The following PPP1R16B variants were observed in gnomAD, a reference collection of about 807,000 sequenced individuals.
The protein encoded by PPP1R16B is protein phosphatase 1 regulatory subunit 16B.
PPP1R16B carries 14 observed loss-of-function variants against 61.7 expected under a neutral mutation model. The observed-to-expected ratio is 0.23, with a 90% CI of 0.15 to 0.35. The LOEUF (loss-of-function observed/expected upper bound fraction) is 0.35. PPP1R16B is among the 10% of genes least tolerant of loss of function. PPP1R16B has a pLI of 1.00. For missense variants in PPP1R16B, 547 were observed against 752.5 expected, an observed-to-expected ratio of 0.73 and a Z score of 3.19; for synonymous variants, 266 against 305.3, an observed-to-expected ratio of 0.87 and a Z score of 1.34.
intron 2 of PPP1R16B, among the ~76,000 whole-genome samples, chr20:38,842,930 A>G (rs2084917710): frequency 6.6e-6 from 1 of 152,252 alleles, no homozygotes; most frequent in South Asian, 2.1e-4. Context: ...CCCCCTGAAC[A>G]GCAACAACCA....
intron 10 of PPP1R16B, among the ~76,000 whole-genome samples, chr20:38,910,010 C>T (rs929495374): frequency 1.3e-5 from 2 of 152,064 alleles, no homozygotes; most frequent in African/African-American, 2.4e-5. Context: ...TATGGAGCCT[C>T]GCTCTGTTAC....
rs1048256762 is a variant in PPP1R16B at position 38,889,706 on chromosome 20, T to C, written c.321+41T>C. The C allele has an allele frequency of 2.6e-6, 4 of 1,514,612 alleles. No individual in the cohort carries two copies. The African/African-American group carries it at 4.1e-5, about 16-fold the overall frequency. The allele number at this position is 1,514,612 out of a possible 1,614,324, so 93.8% of individuals were successfully genotyped here. ...TTGGGGCTCCAGGGCTCCCTGCCCC[T>C]CACCTGGACAGGTACCCTGTTTCTC... On this transcript the variant is annotated intron_variant, in intron 3 of 10. Coordinates refer to ENST00000299824, the MANE Select transcript of PPP1R16B (RefSeq NM_015568.4).
At chr20:38,911,448 G>A (rs1416044881) in intron 10 of PPP1R16B, among the ~76,000 whole-genome samples, 1 of 151,842 alleles carries the variant, frequency 6.6e-6, no homozygotes, top group African/African-American at 2.4e-5. Context: ...TTACAGGCGT[G>A]AGCCACCACG....
intron 4 of PPP1R16B, among the ~76,000 whole-genome samples, chr20:38,899,000 G>C (rs939305537): frequency 1.3e-5 from 2 of 152,196 alleles, no homozygotes; most frequent in Non-Finnish European, 2.9e-5. Context: ...AAGTACCAGA[G>C]CTGAGACAGA....
chr20:38,889,634 G>A lies in PPP1R16B; in HGVS notation c.290G>A (p.Cys97Tyr). 6.2e-7 allele frequency: 1 copy of A among 1,600,988 alleles called. No individual in the cohort carries two copies. The highest frequency in any genetic ancestry group is 8.6e-7 in the Non-Finnish European group (1 of 1,167,940). The change falls in exon 3 of 11, where the codon TGC (cysteine) becomes TAC (tyrosine). Residue 97 changes from cysteine to tyrosine, a missense_variant. Physicochemically the swap from Cys to Tyr is radical, Grantham distance 194 (BLOSUM62 -2). Transcript: ENST00000299824. Reference sequence around the variant, plus strand: ...AAGAATAAGGTCAGCCCTGATTTGTGCAATGAGGACGGACTCACAGCCCTA... The same window carrying A: ...AAGAATAAGGTCAGCCCTGATTTGTACAATGAGGACGGACTCACAGCCCTA... ...FLKNKVSPDL[C>Y]NEDGLTALHQ...
intron 10 of PPP1R16B, among the ~76,000 whole-genome samples, chr20:38,912,473 A>G (rs2085499510): frequency 6.7e-6 from 1 of 148,868 alleles, no homozygotes; most frequent in Non-Finnish European, 1.5e-5. Flanking sequence ...TTACTGGACA[A>G]CATGGCAAGA....
intron 10 of PPP1R16B, among the ~76,000 whole-genome samples, chr20:38,908,830 C>T (rs1463615215): frequency 2.0e-5 from 3 of 152,176 alleles, no homozygotes; most frequent in Admixed American, 2.0e-4. Flanking sequence ...CCAGGTAACA[C>T]CAGCATTGGT....
At chr20:38,894,109 C>T (rs2085313927) in intron 3 of PPP1R16B, among the ~76,000 whole-genome samples, 1 of 151,754 alleles carries the variant, frequency 6.6e-6, no homozygotes, top group African/African-American at 2.4e-5. Context: ...GCCACCGTCC[C>T]CCCCGCACCC....
chr20:38,875,130 A>T (rs2085156943), intron 2 of PPP1R16B, among the ~76,000 whole-genome samples: 1 of 152,132 alleles, frequency 6.6e-6, no homozygotes, highest in East Asian at 1.9e-4. Flanking sequence ...TCAGCAAATG[A>T]TCCATCCTGC....
chr20:38,917,557 T>G (rs2145789021), intron 10 of PPP1R16B, among the ~76,000 whole-genome samples: 1 of 152,308 alleles, frequency 6.6e-6, no homozygotes, highest in African/African-American at 2.4e-5. Flanking sequence ...GTAAGAATCT[T>G]TGTGAGATAT....
intron 2 of PPP1R16B, among the ~76,000 whole-genome samples, chr20:38,847,048 G>C (rs2084939999): frequency 6.6e-6 from 1 of 152,088 alleles, no homozygotes. Flanking sequence ...TTTGGCCATA[G>C]CTTTGATTAT....
chr20:38,912,061 C>T (rs1281275589), intron 10 of PPP1R16B, among the ~76,000 whole-genome samples: 1 of 150,442 alleles, frequency 6.6e-6, no homozygotes, highest in Non-Finnish European at 1.5e-5. Context: ...TTTCCCATGG[C>T]AGAGTGTTTC....
chr20:38,899,066 G>A (rs1334207235), intron 4 of PPP1R16B, among the ~76,000 whole-genome samples: 5 of 152,300 alleles, frequency 3.3e-5, no homozygotes, highest in African/African-American at 9.6e-5. Flanking sequence ...GTGGCCCAGG[G>A]CAGGTAACCT....
chr20:38,918,751 A>C lies in PPP1R16B; in HGVS notation c.*85A>C, dbSNP rs1032494416. ...CAACAGCCCTGGCTGGGGAGGTGTC[A>C]GGGCAGCTGGGGAGAGGTGGGCTCT... On this transcript the variant is annotated 3_prime_UTR_variant, in exon 11 of 11. Transcript: ENST00000299824. The surrounding 1 kb of genome is among the most constrained non-coding windows in gnomAD (Gnocchi z 5.3). 2.1e-6 allele frequency: 3 copies of C among 1,405,622 alleles called. No individual in the cohort carries two copies. Among genetic ancestry groups the C allele is most frequent in the Non-Finnish European group, 2.8e-6 (3 of 1,069,512 alleles). The allele number at this position is 1,405,622 out of a possible 1,614,324, so 87.1% of individuals were successfully genotyped here.
Position 38,895,932 on chromosome 20 carries a change from C to CCTTCTTTCTTCCCTCCCTCCCTCCTTT in PPP1R16B, c.467+249_467+275dup, listed in dbSNP as rs1434250597. 3.5e-4 allele frequency among the ~76,000 whole-genome samples: 21 copies of CCTTCTTTCTTCCCTCCCTCCCTCCTTT among 59,244 alleles called. 4 individuals carry two copies. Among genetic ancestry groups the CCTTCTTTCTTCCCTCCCTCCCTCCTTT allele is most frequent in the Non-Finnish European group, 4.6e-4 (15 of 32,582 alleles). 38.9% of individuals were successfully genotyped at this position (59,244 alleles called of 152,430 possible). A position where few individuals can be genotyped will look rare whatever the true frequency, so the allele number is the denominator to read the frequency against. On this transcript the variant is annotated intron_variant, in intron 4 of 10. Coordinates refer to ENST00000299824, the MANE Select transcript of PPP1R16B (RefSeq NM_015568.4). The stretch of plus-strand genomic sequence containing the variant: ...TTCTTTCTTCCCTCCCTCCCTCCTT[C>CCTTCTTTCTTCCCTCCCTCCCTCCTTT]CTTCTTTCTTCCCTCCCTCCCTCCT...
At position 38,919,023 on chromosome 20, in the gene PPP1R16B, T is replaced by TAC. The variant is rs1360978183; in HGVS notation, c.*369_*370dup. ...ATTAACACACACACACACACACATA[T>TAC]ACACACACACACAAGCTCGATCAGT... On this transcript the variant is annotated 3_prime_UTR_variant, in exon 11 of 11. Transcript: ENST00000299824. 2.1e-5 allele frequency: 4 copies of TAC among 187,966 alleles called. No individual in the cohort carries two copies. Among genetic ancestry groups the TAC allele is most frequent in the South Asian group, 1.8e-4 (1 of 5,528 alleles). 11.6% of individuals were successfully genotyped at this position (187,966 alleles called of 1,614,324 possible).
At chr20:38,890,176 G>A (rs1197838633) in intron 3 of PPP1R16B, among the ~76,000 whole-genome samples, 2 of 152,186 alleles carry the variant, frequency 1.3e-5, no homozygotes, top group African/African-American at 4.8e-5. Flanking sequence ...CACCTTTCAC[G>A]TGGATGCTGC....
At chr20:38,839,251 T>A (rs968171762) in intron 2 of PPP1R16B, among the ~76,000 whole-genome samples, 1 of 152,184 alleles carries the variant, frequency 6.6e-6, no homozygotes, top group African/African-American at 2.4e-5. Context: ...AAATCAGGTT[T>A]TGAAAGCTTG....
intron 2 of PPP1R16B, among the ~76,000 whole-genome samples, chr20:38,849,613 C>G (rs1169246162): frequency 6.6e-6 from 1 of 151,786 alleles, no homozygotes; most frequent in Admixed American, 6.6e-5. Context: ...AAACAAAACC[C>G]CCAAGTCAGC....
Sources: gnomAD v4.1 joint callset for allele counts (sites outside exome capture counted in the v4.1 genomes callset) on GRCh38, gnomAD v4.1.1 for gene constraint, Gnocchi (gnomAD v3.1) non-coding constraint, MANE v1.5 for transcripts, NCBI Gene and HGNC (gene_info 2026-07-23, HGNC 2026-07-21) for gene names.